Variants in IQGAP2 observed in about 807,000 individuals in gnomAD.
The protein encoded by IQGAP2 is ras GTPase-activating-like protein IQGAP2.
IQGAP2 carries 173 observed loss-of-function variants against 201.3 expected under a neutral mutation model. That is an observed-to-expected ratio of 0.86 (90% CI 0.76 to 0.98). The LOEUF (loss-of-function observed/expected upper bound fraction) is 0.98, where lower values mean the gene tolerates loss of function less well. Ranked by LOEUF, IQGAP2 falls within the 50% of genes least tolerant of loss-of-function variation. The pLI is 0.00. For missense variants in IQGAP2, 1,687 were observed against 1,864.8 expected (o/e 0.90, Z 1.76); for synonymous variants, 675 against 673.9 (o/e 1.00, Z -0.03).
chr5:76,674,033 A>AAT lies in IQGAP2; in HGVS notation c.3292_3293insTA (p.Lys1098IlefsTer13). 1.3e-6 allele frequency: 2 copies of AAT among 1,591,058 alleles called. No homozygotes were observed. The highest frequency in any genetic ancestry group is 8.6e-7 in the Non-Finnish European group (1 of 1,159,144). The stretch of plus-strand genomic sequence containing the variant: ...CCGATGCAACAGAAGATGAGCTATT[A>AAT]AAGGTAGATTTTCAAGGGTAATCTC... On this transcript the variant is annotated frameshift_variant, in exon 26 of 36. Transcript: ENST00000274364. LOFTEE classifies it high-confidence loss of function.
At chr5:76,609,119 A>G (rs186031724) in intron 12 of IQGAP2, 1 of 1,535,858 alleles carries the variant, frequency 6.5e-7, no homozygotes, top group South Asian at 1.2e-5. Context: ...TTAGAAACGC[A>G]GCAGACAGCA....
intron 35 of IQGAP2, among the ~76,000 whole-genome samples, chr5:76,703,718 G>A (rs1747632391): frequency 6.7e-6 from 1 of 149,438 alleles, no homozygotes. Context: ...TTAATCCTTA[G>A]CACAAAACCA....
At chr5:76,628,326 G>A (rs573561933) in intron 14 of IQGAP2, among the ~76,000 whole-genome samples, 34 of 152,310 alleles carry the variant, frequency 2.2e-4, no homozygotes, top group African/African-American at 4.6e-4. Flanking sequence ...GTGGAGGTCA[G>A]GTGATGAATA....
At chr5:76,518,427 A>G (rs924937691) in intron 2 of IQGAP2, among the ~76,000 whole-genome samples, 29 of 152,174 alleles carry the variant, frequency 1.9e-4, no homozygotes, top group African/African-American at 7.0e-4. Flanking sequence ...AGATCTCGTG[A>G]GACTTATTCA....
chr5:76,484,939 C>T (rs527519596), intron 2 of IQGAP2, among the ~76,000 whole-genome samples: 2 of 152,182 alleles, frequency 1.3e-5, no homozygotes, highest in Non-Finnish European at 2.9e-5. Context: ...AGGGATCCTC[C>T]GGCCTCAGCC....
chr5:76,502,531 C>A (rs997060395), intron 2 of IQGAP2, among the ~76,000 whole-genome samples: 6 of 152,170 alleles, frequency 3.9e-5, no homozygotes, highest in Non-Finnish European at 5.9e-5. Flanking sequence ...CAGTCAGTCA[C>A]TTTGTGTATG....
At chr5:76,621,695 G>A (rs565786418) in intron 13 of IQGAP2, among the ~76,000 whole-genome samples, 21 of 152,266 alleles carry the variant, frequency 1.4e-4, no homozygotes, top group African/African-American at 4.6e-4. Flanking sequence ...TCCATTTTCC[G>A]TGAGAATGCC....
At chr5:76,654,611 G>A (rs1236688175) in intron 19 of IQGAP2, among the ~76,000 whole-genome samples, 14 of 152,212 alleles carry the variant, frequency 9.2e-5, no homozygotes, top group Non-Finnish European at 1.0e-4. Flanking sequence ...AAGCCCCTGG[G>A]AGGGATTTCT....
intron 2 of IQGAP2, among the ~76,000 whole-genome samples, chr5:76,519,996 CTT>C (rs1001718541): frequency 2.0e-5 from 3 of 151,082 alleles, no homozygotes; most frequent in African/African-American, 7.3e-5. Flanking sequence ...TCTTTTTACT[CTT>C]ATCAGAATCT....
intron 32 of IQGAP2, among the ~76,000 whole-genome samples, chr5:76,696,151 A>ACTTTCT (rs1746724772): frequency 6.6e-6 from 1 of 152,180 alleles, no homozygotes; most frequent in Non-Finnish European, 1.5e-5. Flanking sequence ...TCATTAGGAG[A>ACTTTCT]GTTGAAACAG....
intron 10 of IQGAP2, among the ~76,000 whole-genome samples, chr5:76,598,523 A>T (rs1747197924): frequency 6.6e-6 from 1 of 152,204 alleles, no homozygotes; most frequent in Admixed American, 6.5e-5. Flanking sequence ...CAGTACACTT[A>T]TGATTTAAAA....
intron 9 of IQGAP2, 174 bp from the exon 10 acceptor site, chr5:76,597,265 A>G (rs1747097610): frequency 8.1e-6 from 5 of 618,348 alleles, no homozygotes; most frequent in Non-Finnish European, 1.4e-5. Flanking sequence ...AGATTGGATT[A>G]GTTTGAATTA....
chr5:76,620,477 G>C (rs1749539221), intron 13 of IQGAP2, among the ~76,000 whole-genome samples: 1 of 152,172 alleles, frequency 6.6e-6, no homozygotes, highest in South Asian at 2.1e-4. Flanking sequence ...GTTGGAGGGA[G>C]ACAAGGAGAC....
intron 1 of IQGAP2, among the ~76,000 whole-genome samples, chr5:76,439,487 G>T (rs1324170762): frequency 6.6e-6 from 1 of 152,136 alleles, no homozygotes; most frequent in Non-Finnish European, 1.5e-5. Context: ...TATTTCTTAG[G>T]TCCAGTAATA....
At chr5:76,586,579 C>G (rs968393323) in intron 5 of IQGAP2, among the ~76,000 whole-genome samples, 1 of 152,200 alleles carries the variant, frequency 6.6e-6, no homozygotes, top group Non-Finnish European at 1.5e-5. Context: ...TTGCTAGTCC[C>G]TTGAAAGACT....
intron 34 of IQGAP2, among the ~76,000 whole-genome samples, chr5:76,702,252 G>T (rs1747469890): frequency 6.6e-6 from 1 of 152,132 alleles, no homozygotes; most frequent in Non-Finnish European, 1.5e-5. Context: ...TTGTAATAAA[G>T]CACCTATGTC....
intron 24 of IQGAP2, among the ~76,000 whole-genome samples, chr5:76,672,946 C>A (rs1744480834): frequency 6.6e-6 from 1 of 151,510 alleles, no homozygotes; most frequent in African/African-American, 2.4e-5. Context: ...AGGAGATATA[C>A]CTAATGCTAA....
At chr5:76,469,624 A>G (rs1346930432) in intron 2 of IQGAP2, among the ~76,000 whole-genome samples, 3 of 152,094 alleles carry the variant, frequency 2.0e-5, no homozygotes, top group African/African-American at 7.2e-5. Context: ...GGCTGGTCTC[A>G]AACTCTTGGC....
At chr5:76,583,361 C>T (rs1006652100) in intron 5 of IQGAP2, among the ~76,000 whole-genome samples, 6 of 151,980 alleles carry the variant, frequency 3.9e-5, no homozygotes, top group African/African-American at 1.5e-4. Context: ...AAGCACCTCC[C>T]ACACAGAGAT....
Sources: allele counts gnomAD v4.1 joint callset (sites outside exome capture counted in the v4.1 genomes callset), GRCh38; gene constraint gnomAD v4.1.1; transcripts MANE v1.5; gene names NCBI Gene and HGNC (gene_info 2026-07-23, HGNC 2026-07-21).